The following RASAL2 variants were observed in gnomAD, a reference collection of about 807,000 sequenced individuals.
RASAL2 encodes ras GTPase-activating protein nGAP.
RASAL2 carries 58 observed loss-of-function variants against 128.9 expected under a neutral mutation model. The ratio of observed to expected loss-of-function variants is 0.45; its 90% CI spans 0.36 to 0.56. RASAL2 has a LOEUF of 0.56. Among genes scored for constraint, RASAL2 ranks in the 20% least tolerant of loss-of-function variants. RASAL2 has a pLI of 0.00. For synonymous variants in RASAL2, 561 were observed against 580.8 expected (o/e 0.97, Z 0.49); for missense variants, 1,360 against 1,601.6 (o/e 0.85, Z 2.57).
chr1:178,299,872 T>A lies in RASAL2; in HGVS notation c.331-120T>A. On this transcript the variant is annotated intron_variant, in intron 2 of 17. Coordinates refer to ENST00000367649, the MANE Select transcript of RASAL2 (RefSeq NM_170692.4). ...CATTGTATATACTTTATTTCTATAT[T>A]TCTCCTGCCTTACTCTTTGTTACAC... The A allele has an allele frequency of 5.1e-6, 5 of 982,090 alleles. No individual in the cohort carries two copies. The South Asian group carries it at 8.7e-5, about 17-fold the overall frequency. The allele number at this position is 982,090 out of a possible 1,614,324, so 60.8% of individuals were successfully genotyped here.
At chr1:178,418,344 AGAAAAT>A (rs1211132979) in intron 4 of RASAL2, among the ~76,000 whole-genome samples, 3 of 152,230 alleles carry the variant, frequency 2.0e-5, no homozygotes, top group African/African-American at 7.2e-5. Context: ...CATAAGGAAA[AGAAAAT>A]ATACTATTTA....
intron 1 of RASAL2, among the ~76,000 whole-genome samples, chr1:178,168,916 A>G (rs1661610126): frequency 6.6e-6 from 1 of 152,036 alleles, no homozygotes; most frequent in African/African-American, 2.4e-5. Context: ...AGTTCATTGT[A>G]GTTGTATAGA....
At chr1:178,275,100 G>A (rs1302475093) in intron 1 of RASAL2, among the ~76,000 whole-genome samples, 1 of 152,122 alleles carries the variant, frequency 6.6e-6, no homozygotes, top group Non-Finnish European at 1.5e-5. Context: ...TCATCTTACT[G>A]CTGGCACCAT....
At chr1:178,457,549 T>C in intron 13 of RASAL2, 134 bp from the exon 14 acceptor site, 5 of 928,962 alleles carry the variant, frequency 5.4e-6, no homozygotes, top group Non-Finnish European at 8.1e-6. Flanking sequence ...CCTAATTAGA[T>C]AAAATCTGAG....
chr1:178,343,273 G>A (rs1214556518), intron 3 of RASAL2, among the ~76,000 whole-genome samples: 1 of 152,134 alleles, frequency 6.6e-6, no homozygotes, highest in African/African-American at 2.4e-5. Context: ...TACTCCTCTC[G>A]GCTATATCGG....
At chr1:178,304,210 GC>G (rs1168736463) in intron 3 of RASAL2, among the ~76,000 whole-genome samples, 1 of 152,054 alleles carries the variant, frequency 6.6e-6, no homozygotes, top group African/African-American at 2.4e-5. Flanking sequence ...TACCAAAAGG[GC>G]CACTAGGATG....
intron 5 of RASAL2, 109 bp from the exon 6 acceptor site, chr1:178,439,313 A>T: frequency 1.0e-6 from 1 of 972,146 alleles, no homozygotes; most frequent in Non-Finnish European, 1.5e-6. Context: ...TTCCTCATTT[A>T]TTTCTTCCCT....
chr1:178,133,203 C>T (rs922361575), intron 1 of RASAL2, among the ~76,000 whole-genome samples: 2 of 152,342 alleles, frequency 1.3e-5, no homozygotes, highest in African/African-American at 2.4e-5. Context: ...TCCCTTTCTT[C>T]GTTTCCTCAC....
chr1:178,233,692 C>G (rs1664106821), intron 1 of RASAL2, among the ~76,000 whole-genome samples: 1 of 152,180 alleles, frequency 6.6e-6, no homozygotes, highest in South Asian at 2.1e-4. Context: ...GCACCATTCA[C>G]CAGATCTGTT....
intron 1 of RASAL2, among the ~76,000 whole-genome samples, chr1:178,145,716 C>T (rs987857767): frequency 3.3e-5 from 5 of 152,202 alleles, no homozygotes; most frequent in Non-Finnish European, 7.4e-5. Context: ...TTCTTCCTAT[C>T]ATCATCTGGC....
At chr1:178,371,048 G>A (rs79609424) in intron 3 of RASAL2, among the ~76,000 whole-genome samples, 2,221 of 151,776 alleles carry the variant, frequency 0.015, 48 homozygotes, top group African/African-American at 0.051. Flanking sequence ...CTAGTAACAA[G>A]CCTAATCAAT....
intron 1 of RASAL2, among the ~76,000 whole-genome samples, chr1:178,228,209 T>C (rs1221923928): frequency 1.3e-5 from 2 of 152,238 alleles, no homozygotes; most frequent in African/African-American, 2.4e-5. Context: ...TTCTGCCTTC[T>C]AATTGTATTT....
intron 1 of RASAL2, among the ~76,000 whole-genome samples, chr1:178,182,775 G>A (rs1406270490): frequency 6.7e-6 from 1 of 149,702 alleles, no homozygotes; most frequent in Non-Finnish European, 1.5e-5. Context: ...TATCCCTTTG[G>A]GAAACAGCTT....
At chr1:178,107,264 T>C (rs1214657420) in intron 1 of RASAL2, among the ~76,000 whole-genome samples, 1 of 152,178 alleles carries the variant, frequency 6.6e-6, no homozygotes, top group Non-Finnish European at 1.5e-5. Context: ...TGTTTTAACA[T>C]ATTTGTGTTA....
intron 3 of RASAL2, among the ~76,000 whole-genome samples, chr1:178,374,493 TTACTTCTG>T (rs1671887078): frequency 6.6e-6 from 1 of 152,116 alleles, no homozygotes; most frequent in African/African-American, 2.4e-5. Flanking sequence ...GATCTACTAC[TTACTTCTG>T]TACAGTAACC....
At chr1:178,146,315 G>A (rs1288698832) in intron 1 of RASAL2, among the ~76,000 whole-genome samples, 1 of 152,216 alleles carries the variant, frequency 6.6e-6, no homozygotes, top group Non-Finnish European at 1.5e-5. Context: ...GTAGTCCTAA[G>A]AGGATTTTGA....
chr1:178,153,207 A>G (rs982227803), intron 1 of RASAL2, among the ~76,000 whole-genome samples: 1 of 152,110 alleles, frequency 6.6e-6, no homozygotes, highest in African/African-American at 2.4e-5. Context: ...GGTATCATTA[A>G]TATGTTCCTC....
At chr1:178,315,782 C>A in intron 3 of RASAL2, among the ~76,000 whole-genome samples, 1 of 139,412 alleles carries the variant, frequency 7.2e-6, no homozygotes, top group African/African-American at 3.0e-5. Context: ...TGTGCAGAAG[C>A]TCTTTAGTTT....
At chr1:178,177,744 A>C (rs1004349471) in intron 1 of RASAL2, among the ~76,000 whole-genome samples, 2 of 152,174 alleles carry the variant, frequency 1.3e-5, no homozygotes, top group Admixed American at 1.3e-4. Context: ...GAAAGTAAGG[A>C]GCCTAGGCAG....
Sources: gnomAD v4.1 joint callset for allele counts (sites outside exome capture counted in the v4.1 genomes callset) on GRCh38, gnomAD v4.1.1 for gene constraint, MANE v1.5 for transcripts, NCBI Gene and HGNC (gene_info 2026-07-23, HGNC 2026-07-21) for gene names.